The following NFATC2 variants were observed in gnomAD, a reference collection of about 807,000 sequenced individuals.
NFATC2 encodes nuclear factor of activated T cells 2, also known as nuclear factor of activated T-cells, cytoplasmic 2.
Under a neutral mutation model 87.3 loss-of-function variants are expected in NFATC2, and 22 were observed. The observed-to-expected ratio is 0.25, with a 90% CI of 0.18 to 0.36. The LOEUF (loss-of-function observed/expected upper bound fraction) is 0.36, where lower values mean the gene tolerates loss of function less well. NFATC2 is among the 10% of genes least tolerant of loss of function. The pLI is 1.00. For synonymous variants in NFATC2, 565 were observed against 542.2 expected, an observed-to-expected ratio of 1.04 and a Z score of -0.58; for missense variants, 1,149 against 1,259.1, an observed-to-expected ratio of 0.91 and a Z score of 1.32.
intron 6 of NFATC2, among the ~76,000 whole-genome samples, chr20:51,443,349 A>G (rs1402870619): frequency 6.6e-6 from 1 of 152,162 alleles, no homozygotes; most frequent in Non-Finnish European, 1.5e-5. Flanking sequence ...TCTGGCACAT[A>G]ACAGTTGCTC....
At position 51,523,404 on chromosome 20, in the gene NFATC2, G is replaced by A. The variant is rs760861903; in HGVS notation, c.837C>T (p.Pro279=). ...GGTCCTGGGGTGCCACGTGAGATGA[G>A]GGCTGCGGCGAGGGGCTCCGGGAGC... is the stretch of plus-strand genomic sequence containing the variant. ...PQRSRSPSPQ[P]SSHVAPQDHG... Residue 279 remains proline, a synonymous_variant, in exon 2 of 11, where the codon CCC becomes CCT. Coordinates refer to ENST00000371564, the MANE Select transcript of NFATC2 (RefSeq NM_012340.5). The surrounding 1 kb of genome is among the most constrained non-coding windows in gnomAD (Gnocchi z 6.9). The A allele has an allele frequency of 2.1e-5, 34 of 1,608,880 alleles. No homozygotes were observed. The highest frequency in any genetic ancestry group is 1.7e-5 in the Admixed American group (1 of 59,514).
chr20:51,399,806 C>T (rs996333341), intron 9 of NFATC2, among the ~76,000 whole-genome samples: 10 of 152,194 alleles, frequency 6.6e-5, no homozygotes, highest in Admixed American at 5.2e-4. Context: ...TGACTTCTTC[C>T]AAGTCCAAGA....
At chr20:51,420,417 A>C (rs1353249914) in intron 9 of NFATC2, among the ~76,000 whole-genome samples, 2 of 152,230 alleles carry the variant, frequency 1.3e-5, no homozygotes, top group Non-Finnish European at 2.9e-5. Flanking sequence ...TTTACTGCTA[A>C]CTTACAGGAC....
intron 3 of NFATC2, among the ~76,000 whole-genome samples, chr20:51,514,354 C>A (rs2076318235): frequency 1.3e-5 from 2 of 152,222 alleles, no homozygotes; most frequent in Admixed American, 1.3e-4. Context: ...ATTTAATGAG[C>A]AGATTCATTC....
rs77669434 is a variant in NFATC2 at position 51,429,191 on chromosome 20, C to T, written c.2722+2876G>A. Among the ~76,000 whole-genome samples, 770 of 152,338 alleles carry T rather than the reference C, an allele frequency of 5.1e-3. 6 individuals carry two copies. The highest frequency in any genetic ancestry group is 0.018 in the African/African-American group (739 of 41,572). On this transcript the variant is annotated intron_variant, in intron 9 of 10. Coordinates refer to ENST00000371564, the MANE Select transcript of NFATC2 (RefSeq NM_012340.5). ...GACGGGCTAGGAGAATTTGAAATTG[C>T]AGCAGTTCAGAGACAAAACTGCACC...
intron 9 of NFATC2, among the ~76,000 whole-genome samples, chr20:51,409,769 C>A (rs1414221380): frequency 6.6e-6 from 1 of 152,220 alleles, no homozygotes; most frequent in African/African-American, 2.4e-5. Flanking sequence ...ACAGAAAATT[C>A]TACAGGACGA....
At chr20:51,448,992 C>G (rs1985438835) in intron 6 of NFATC2, among the ~76,000 whole-genome samples, 1 of 152,210 alleles carries the variant, frequency 6.6e-6, no homozygotes, top group South Asian at 2.1e-4. Context: ...CCACTGCTCT[C>G]CAATTTGTCA....
At chr20:51,396,992 C>T (rs79759858) in intron 10 of NFATC2, among the ~76,000 whole-genome samples, 180 of 148,978 alleles carry the variant, frequency 1.2e-3, no homozygotes, top group East Asian at 8.7e-3. Context: ...GGCTCATCTC[C>T]GCCTCCAGGT....
intron 3 of NFATC2, among the ~76,000 whole-genome samples, chr20:51,506,553 C>T (rs1380953637): frequency 7.2e-6 from 1 of 138,924 alleles, no homozygotes; most frequent in East Asian, 2.4e-4. Flanking sequence ...GTCAACGGAG[C>T]TAGTGCCTTC....
chr20:51,533,455 C>G (rs1276444935), intron 1 of NFATC2, among the ~76,000 whole-genome samples: 2 of 152,242 alleles, frequency 1.3e-5, no homozygotes, highest in East Asian at 3.8e-4. Flanking sequence ...GGTTGTCACA[C>G]CCTTCGTTCG....
chr20:51,499,317 G>A (rs970110290), intron 3 of NFATC2, among the ~76,000 whole-genome samples: 1 of 152,114 alleles, frequency 6.6e-6, no homozygotes, highest in Non-Finnish European at 1.5e-5. Context: ...AGGGGAGGAG[G>A]TAAGAAATGG....
chr20:51,453,217 C>A (rs1410077199), intron 6 of NFATC2, among the ~76,000 whole-genome samples: 1 of 152,258 alleles, frequency 6.6e-6, no homozygotes, highest in African/African-American at 2.4e-5. Context: ...TCCAGCCCAT[C>A]CCAGAAGGAT....
chr20:51,559,835 A>T lies in NFATC2; in HGVS notation c.70+2725T>A, dbSNP rs11907647. On this transcript the variant is annotated intron_variant, in intron 1 of 10. Coordinates refer to the NFATC2 transcript ENST00000414705. ...AGACAATACTATTTGGTGTGTGTTTACTGCATGTTAAGCACAGAACTGAGC... is the reference window on the plus strand; with the variant it reads ...AGACAATACTATTTGGTGTGTGTTTTCTGCATGTTAAGCACAGAACTGAGC... Among the ~76,000 whole-genome samples the T allele has an allele frequency of 5.4e-3, 819 of 152,334 alleles. 9 individuals are homozygous for T. Among genetic ancestry groups the T allele is most frequent in the African/African-American group, 0.018 (760 of 41,564 alleles).
intron 5 of NFATC2, among the ~76,000 whole-genome samples, chr20:51,470,038 G>A (rs776615297): frequency 7.2e-5 from 11 of 152,214 alleles, no homozygotes; most frequent in African/African-American, 1.2e-4. Context: ...GGGCTCAGGC[G>A]GGAATGAGGC....
intron 5 of NFATC2, among the ~76,000 whole-genome samples, chr20:51,467,740 C>T (rs1359943100): frequency 6.6e-6 from 1 of 152,146 alleles, no homozygotes; most frequent in Admixed American, 6.5e-5. Context: ...AACTCTCATA[C>T]ATCCTTGTTC....
At chr20:51,457,314 G>A (rs1393050570) in intron 5 of NFATC2, among the ~76,000 whole-genome samples, 3 of 152,344 alleles carry the variant, frequency 2.0e-5, no homozygotes, top group South Asian at 4.1e-4. Flanking sequence ...CCATTTTACA[G>A]GTGGAAAGCC....
chr20:51,522,598 T>C (rs1269984023), intron 2 of NFATC2, among the ~76,000 whole-genome samples: 1 of 149,874 alleles, frequency 6.7e-6, no homozygotes, highest in East Asian at 1.9e-4. Flanking sequence ...AGGTCCTCCA[T>C]ATAACTGCGG....
At chr20:51,417,422 T>C (rs1980194772) in intron 9 of NFATC2, among the ~76,000 whole-genome samples, 1 of 152,136 alleles carries the variant, frequency 6.6e-6, no homozygotes, top group South Asian at 2.1e-4. Context: ...GACCTCTCTC[T>C]GTCCTCCACA....
At chr20:51,398,449 C>A (rs985125570) in intron 10 of NFATC2, among the ~76,000 whole-genome samples, 194 bp downstream of exon 10, 1 of 152,202 alleles carries the variant, frequency 6.6e-6, no homozygotes, top group Non-Finnish European at 1.5e-5. Flanking sequence ...CCCGCCCAAC[C>A]CTGAGATTCT....
Sources: gnomAD v4.1 joint callset for allele counts (sites outside exome capture counted in the v4.1 genomes callset) on GRCh38, gnomAD v4.1.1 for gene constraint, Gnocchi (gnomAD v3.1) non-coding constraint, MANE v1.5 for transcripts, NCBI Gene and HGNC (gene_info 2026-07-23, HGNC 2026-07-21) for gene names.